The following SCN1A variants were observed in gnomAD, a reference collection of about 807,000 sequenced individuals.
SCN1A encodes sodium channel protein type 1 subunit alpha.
A neutral mutation model predicts 193.7 loss-of-function variants in SCN1A; 13 were observed. That is an observed-to-expected ratio of 0.07 (90% CI 0.04 to 0.11). The LOEUF (loss-of-function observed/expected upper bound fraction) is 0.11. Ranked by LOEUF, SCN1A falls within the 10% of genes least tolerant of loss-of-function variation. SCN1A has a pLI of 1.00. For missense variants in SCN1A, 1,432 were observed against 2,451.1 expected, an observed-to-expected ratio of 0.58 and a Z score of 8.78; for synonymous variants, 781 against 843.6, an observed-to-expected ratio of 0.93 and a Z score of 1.29.
intron 19 of SCN1A, among the ~76,000 whole-genome samples, chr2:166,021,266 A>G (rs1262417012): frequency 6.6e-6 from 1 of 152,222 alleles, no homozygotes; most frequent in Non-Finnish European, 1.5e-5. Flanking sequence ...GCTTATGTCA[A>G]TGAATTACTC....
Position 166,054,763 on chromosome 2 carries a change from G to A in SCN1A, c.477C>T (p.Tyr159=), listed in dbSNP as rs748508725. The change falls in exon 7 of 29, where the codon TAC becomes TAT. Residue 159 remains tyrosine, a synonymous_variant. Coordinates refer to ENST00000674923, the MANE Select transcript of SCN1A (RefSeq NM_001165963.4). ...NPPDWTKNVE[Y]TFTGIYTFES... ...CAAAAGTATATATTCCTGTGAAGGT[G>A]TATCTGAAAACAAGCATCCAAAAAA... is the stretch of plus-strand genomic sequence containing the variant. 3 of 1,610,344 alleles carry A rather than the reference G, an allele frequency of 1.9e-6. No homozygotes were observed. Among genetic ancestry groups the A allele is most frequent in the Non-Finnish European group, 2.5e-6 (3 of 1,177,594 alleles).
At position 166,137,087 on chromosome 2, in the gene SCN1A, T is replaced by A. The variant is rs1052507496; in HGVS notation, c.-50+11960A>T. On this transcript the variant is annotated intron_variant, in intron 1 of 26. Coordinates refer to the SCN1A transcript ENST00000635750. Reference sequence around the variant, plus strand: ...TGCATTCCTTGGAGTCCAGTGCTCCTGCTAGTAGCCCTTCTTCCAGGGCTC... The same window carrying A: ...TGCATTCCTTGGAGTCCAGTGCTCCAGCTAGTAGCCCTTCTTCCAGGGCTC... Among the ~76,000 whole-genome samples, 3 of 152,192 alleles carry A rather than the reference T, an allele frequency of 2.0e-5. No individual in the cohort carries two copies. In the South Asian group the frequency reaches 6.2e-4, roughly 32 times the overall value.
rs1189023634 is a variant in SCN1A, at chr2:165,990,542, G to C, written c.*703C>G. 6.6e-6 allele frequency: 1 copy of C among 152,474 alleles called. No homozygotes were observed. Among genetic ancestry groups the C allele is most frequent in the Non-Finnish European group, 1.5e-5 (1 of 68,082 alleles). 9.4% of individuals were successfully genotyped at this position (152,474 alleles called of 1,614,324 possible). A position where few individuals can be genotyped will look rare whatever the true frequency, so the allele number is the denominator to read the frequency against. ...CCACAAATAATCTACTTGGTCTAGG[G>C]GCTGGATTTCGCAAAACAAGATCAA... On this transcript the variant is annotated 3_prime_UTR_variant, in exon 29 of 29. Transcript: ENST00000674923.
At chr2:166,046,562 A>G (rs1222882740) in intron 12 of SCN1A, among the ~76,000 whole-genome samples, 1 of 152,196 alleles carries the variant, frequency 6.6e-6, no homozygotes, top group Non-Finnish European at 1.5e-5. Context: ...GATGATTAAA[A>G]TAGCATGAGA....
chr2:166,002,900 A>C (rs1055057317), intron 23 of SCN1A, 147 bp from the exon 24 acceptor site: 1 of 642,414 alleles, frequency 1.6e-6, no homozygotes, highest in African/African-American at 1.9e-5. Context: ...GTTCAAAAAA[A>C]TCTTAAAATT....
At chr2:166,142,165 G>C (rs919044096) in intron 1 of SCN1A, among the ~76,000 whole-genome samples, 1 of 152,198 alleles carries the variant, frequency 6.6e-6, no homozygotes, top group African/African-American at 2.4e-5. Context: ...CAGACAGCCA[G>C]ATCAGAAGGG....
intron 1 of SCN1A, among the ~76,000 whole-genome samples, chr2:166,143,470 C>A (rs1692181633): frequency 6.6e-6 from 1 of 152,130 alleles, no homozygotes; most frequent in African/African-American, 2.4e-5. Flanking sequence ...CTGGCCAGAA[C>A]TCAGCATTTT....
At chr2:165,998,014 A>G in intron 26 of SCN1A, 24 bp downstream of exon 26, 1 of 1,573,104 alleles carries the variant, frequency 6.4e-7, no homozygotes, top group South Asian at 1.1e-5. Context: ...TCTCAGTGGG[A>G]GAGAAAATAT....
intron 2 of SCN1A, among the ~76,000 whole-genome samples, chr2:166,092,081 A>C (rs772309915): frequency 8.5e-5 from 13 of 152,220 alleles, no homozygotes; most frequent in Non-Finnish European, 1.5e-4. Context: ...AAATCCAAGA[A>C]TGTAATACCA....
intron 19 of SCN1A, among the ~76,000 whole-genome samples, chr2:166,017,596 AT>A (rs1693477410): frequency 6.6e-6 from 1 of 152,080 alleles, no homozygotes; most frequent in African/African-American, 2.4e-5. Context: ...ACATAATGAA[AT>A]TCATTACATA....
At chr2:166,028,030 G>A (rs1695039000) in intron 19 of SCN1A, among the ~76,000 whole-genome samples, 1 of 152,066 alleles carries the variant, frequency 6.6e-6, no homozygotes, top group Non-Finnish European at 1.5e-5. Context: ...ACAATCTTCA[G>A]TGATTATTCA....
chr2:166,088,764 C>T (rs1686432647), intron 2 of SCN1A, among the ~76,000 whole-genome samples: 1 of 152,124 alleles, frequency 6.6e-6, no homozygotes, highest in Non-Finnish European at 1.5e-5. Context: ...TAGAAGAGTA[C>T]TTGATTTGTT....
At position 165,991,641 on chromosome 2, in the gene SCN1A, C is replaced by T. The variant is rs748090629; in HGVS notation, c.5634G>A (p.Glu1878=). 4 of 1,613,836 alleles carry T rather than the reference C, an allele frequency of 2.5e-6. No homozygotes were observed. In the Admixed American group the frequency reaches 5.0e-5, roughly 20 times the overall value. Residue 1878 remains glutamate, a synonymous_variant, in exon 29 of 29, where the codon GAG becomes GAA. Coordinates refer to ENST00000674923, the MANE Select transcript of SCN1A (RefSeq NM_001165963.4). ...TTCGTAGAGCATCCATCTCTCCACT[C>T]TCTCCTAGAACCCGCTTTGTAAAAG... ...LFAFTKRVLG[E]SGEMDALRIQ...
chr2:166,048,873 A>C lies in SCN1A; in HGVS notation c.1028+13T>G, dbSNP rs1355389622. 2 of 1,557,232 alleles carry C rather than the reference A, an allele frequency of 1.3e-6. No individual in the cohort carries two copies. Among genetic ancestry groups the C allele is most frequent in the Non-Finnish European group, 1.8e-6 (2 of 1,128,920 alleles). ...TACAAATATACACAGATACACACAA[A>C]TTATTGACTTACCCTGCATCAGAGC... On this transcript the variant is annotated intron_variant, in intron 10 of 28. Coordinates refer to ENST00000674923, the MANE Select transcript of SCN1A (RefSeq NM_001165963.4).
Position 166,035,368 on chromosome 2 carries a change from C to T in SCN1A, c.3429+680G>A, listed in dbSNP as rs893306564. ...ATTACTAAGGATGAGAAAACTCACA[C>T]GTATACTATATTACCCTTTAATTTA... is the stretch of plus-strand genomic sequence containing the variant. On this transcript the variant is annotated intron_variant, in intron 19 of 28. Transcript: ENST00000674923. Among the ~76,000 whole-genome samples, 9 of 152,194 alleles carry T rather than the reference C, an allele frequency of 5.9e-5. No homozygotes were observed. The Middle Eastern group carries it at 0.01, about 173-fold the overall frequency.
intron 22 of SCN1A, among the ~76,000 whole-genome samples, chr2:166,010,325 A>G (rs549214103): frequency 1.3e-5 from 2 of 151,322 alleles, no homozygotes; most frequent in East Asian, 3.9e-4. Flanking sequence ...TTAATGAACT[A>G]CATCAGTTTT....
chr2:166,089,392 A>G (rs569868956), intron 2 of SCN1A, among the ~76,000 whole-genome samples: 23 of 152,290 alleles, frequency 1.5e-4, no homozygotes, highest in African/African-American at 5.5e-4. Context: ...AAATTCAATT[A>G]ATTAGCATTT....
chr2:166,127,394 G>C (rs2106277151), intron 1 of SCN1A, among the ~76,000 whole-genome samples: 1 of 152,222 alleles, frequency 6.6e-6, no homozygotes, highest in African/African-American at 2.4e-5. Context: ...TCTATTCCCA[G>C]CCAGCTAGTC....
chr2:166,051,811 C>T lies in SCN1A; in HGVS notation c.872G>A (p.Ser291Asn). Residue 291 changes from serine to asparagine, a missense_variant, in exon 9 of 29, where the codon AGT (serine) becomes AAT (asparagine). Ser to Asn is a conservative substitution (Grantham distance 46). Around this residue, in one of 18 missense-constraint regions of SCN1A, gnomAD observed 52 missense variants for 59.6 expected, o/e 0.87. Transcript: ENST00000674923. ...ATTCACAGTTATATTCTTTTCTATA[C>T]TATGTTCCTCCAAGGAAGCATTGGT... Reference protein sequence around the residue: ...PPTNASLEEHSIEKNITVNYN... With the variant: ...PPTNASLEEHNIEKNITVNYN... 6.2e-7 allele frequency: 1 copy of T among 1,612,222 alleles called. No homozygotes were observed. Among genetic ancestry groups the T allele is most frequent in the East Asian group, 2.2e-5 (1 of 44,818 alleles).
Sources: gnomAD v4.1 joint callset for allele counts (sites outside exome capture counted in the v4.1 genomes callset) on GRCh38, gnomAD v4.1.1 for gene constraint, gnomAD v4.1.1 regional missense constraint, MANE v1.5 for transcripts, NCBI Gene and HGNC (gene_info 2026-07-23, HGNC 2026-07-21) for gene names.